ABCB1: variants seen among roughly 807,000 people sequenced by gnomAD.
ABCB1 encodes the protein ATP-dependent translocase ABCB1.
ABCB1 carries 69 observed loss-of-function variants against 142.0 expected under a neutral mutation model. The ratio of observed to expected loss-of-function variants is 0.49; its 90% CI spans 0.40 to 0.59. ABCB1 has a LOEUF of 0.59. ABCB1 is among the 20% of genes least tolerant of loss of function. The pLI is 0.00. For synonymous variants in ABCB1, 532 were observed against 539.2 expected (o/e 0.99, Z 0.18); for missense variants, 1,326 against 1,554.7 (o/e 0.85, Z 2.47).
chr7:87,507,520 G>A (rs562796596), intron 26 of ABCB1, among the ~76,000 whole-genome samples: 2 of 152,294 alleles, frequency 1.3e-5, no homozygotes, highest in South Asian at 4.1e-4. Context: ...TGAGCCTGGA[G>A]AAGGGTCAAT....
intron 1 of ABCB1, among the ~76,000 whole-genome samples, chr7:87,612,377 G>GAATCCTC (rs1363242764): frequency 1.3e-5 from 2 of 152,090 alleles, no homozygotes; most frequent in African/African-American, 4.8e-5. Context: ...TTTCCTTCTA[G>GAATCCTC]AATTTTTATG....
At position 87,507,814 on chromosome 7, in the gene ABCB1, A is replaced by G. The variant is rs533955146; in HGVS notation, c.3489+1461T>C. Among the ~76,000 whole-genome samples the G allele has an allele frequency of 1.1e-4, 17 of 152,316 alleles. No homozygotes were observed. The South Asian group carries it at 3.1e-3, about 28-fold the overall frequency. On this transcript the variant is annotated intron_variant, in intron 26 of 27. Coordinates refer to ENST00000622132, the MANE Select transcript of ABCB1 (RefSeq NM_001348946.2). ...CCTAGGTTGAGAAGCACTTCAAAAT[A>G]TAGGACCTAACTTTTGCAGCAACAT...
chr7:87,553,724 TATA>T (rs1315410815), intron 9 of ABCB1, 34 bp downstream of exon 9: 3 of 1,595,290 alleles, frequency 1.9e-6, no homozygotes, highest in South Asian at 2.2e-5. Context: ...ATTGGCATTT[TATA>T]ATAATGGTTC....
At chr7:87,663,916 A>G (rs1824963642) in intron 1 of ABCB1, among the ~76,000 whole-genome samples, 1 of 152,248 alleles carries the variant, frequency 6.6e-6, no homozygotes, top group African/African-American at 2.4e-5. Context: ...GACTCTTTGT[A>G]TGATCCTACT....
chr7:87,687,198 A>G (rs1458148993), intron 1 of ABCB1, among the ~76,000 whole-genome samples: 1 of 151,952 alleles, frequency 6.6e-6, no homozygotes, highest in Non-Finnish European at 1.5e-5. Flanking sequence ...TTCCCCCACA[A>G]CTTACTGTTC....
intron 1 of ABCB1, among the ~76,000 whole-genome samples, chr7:87,620,693 A>G (rs1434681696): frequency 2.0e-5 from 3 of 152,202 alleles, no homozygotes; most frequent in Non-Finnish European, 4.4e-5. Flanking sequence ...AATCATAACA[A>G]AAAATGGGTA....
intron 1 of ABCB1, among the ~76,000 whole-genome samples, chr7:87,663,731 C>G (rs894890405): frequency 6.6e-6 from 1 of 152,106 alleles, no homozygotes; most frequent in Admixed American, 6.6e-5. Context: ...ATACTACATA[C>G]TGAGAGGCTT....
intron 1 of ABCB1, chr7:87,629,152 C>T (rs1820942398): frequency 4.7e-6 from 2 of 421,982 alleles, no homozygotes; most frequent in Admixed American, 4.4e-5. Context: ...TGTGTCAGTT[C>T]CAGTGCTGAA....
intron 19 of ABCB1, among the ~76,000 whole-genome samples, chr7:87,537,956 T>C (rs28381946): frequency 1.3e-5 from 2 of 152,184 alleles, no homozygotes; most frequent in African/African-American, 2.4e-5. Context: ...AGTGCTATAA[T>C]TTATTATAGT....
intron 1 of ABCB1, among the ~76,000 whole-genome samples, chr7:87,704,228 TC>T: frequency 6.6e-6 from 1 of 152,170 alleles, no homozygotes; most frequent in African/African-American, 2.4e-5. Flanking sequence ...GCCTCAGTTT[TC>T]CTTTTATGTT....
intron 5 of ABCB1, 26 bp from the exon 6 acceptor site, chr7:87,567,002 ATGCTCTC>A (rs780827714): frequency 5.0e-6 from 8 of 1,605,286 alleles, no homozygotes; most frequent in Non-Finnish European, 6.8e-6. Flanking sequence ...AACACTGCAC[ATGCTCTC>A]TGTTTCCTAA....
At chr7:87,599,916 A>T (rs914477730) in intron 2 of ABCB1, among the ~76,000 whole-genome samples, 7 of 152,196 alleles carry the variant, frequency 4.6e-5, no homozygotes, top group Non-Finnish European at 1.0e-4. Flanking sequence ...AACAAAAAAG[A>T]CAGGGAAAAT....
intron 1 of ABCB1, among the ~76,000 whole-genome samples, chr7:87,637,562 T>G (rs1203658205): frequency 6.6e-6 from 1 of 152,136 alleles, no homozygotes; most frequent in African/African-American, 2.4e-5. Flanking sequence ...ATAACCTATT[T>G]CTTTATATGT....
In ABCB1 at chr7:87,508,241, A is replaced by G. The variant is rs766402536; in HGVS notation, c.3489+1034T>C. ...CTGAAACTTTTTGAGCACCAACATG[A>G]TGCCACAAGTGGAAAATTTCACACA... is the stretch of plus-strand genomic sequence containing the variant. On this transcript the variant is annotated intron_variant, in intron 26 of 27. Coordinates refer to ENST00000622132, the MANE Select transcript of ABCB1 (RefSeq NM_001348946.2). 4.1e-4 allele frequency among the ~76,000 whole-genome samples: 63 copies of G among 152,238 alleles called. 1 individual carries two copies. The highest frequency in any genetic ancestry group is 8.1e-4 in the Non-Finnish European group (55 of 68,040).
intron 18 of ABCB1, 128 bp from the exon 19 acceptor site, chr7:87,539,473 T>A (rs746497931): frequency 1.2e-5 from 11 of 939,818 alleles, no homozygotes; most frequent in Non-Finnish European, 1.8e-5. Flanking sequence ...GCTTGCTATG[T>A]TTCTGTGACT....
At chr7:87,627,936 C>G (rs970713739) in intron 1 of ABCB1, 7 of 152,400 alleles carry the variant, frequency 4.6e-5, no homozygotes, top group African/African-American at 1.4e-4. Flanking sequence ...GCAATTCCCC[C>G]CTCGGGCCAT....
intron 7 of ABCB1, among the ~76,000 whole-genome samples, chr7:87,562,653 C>T (rs990475868): frequency 6.6e-6 from 1 of 151,174 alleles, no homozygotes; most frequent in Non-Finnish European, 1.5e-5. Flanking sequence ...ATGAATTCTA[C>T]AAATCTAGCT....
intron 25 of ABCB1, among the ~76,000 whole-genome samples, chr7:87,514,139 T>C (rs1815131989): frequency 6.6e-6 from 1 of 152,210 alleles, no homozygotes; most frequent in Admixed American, 6.5e-5. Flanking sequence ...AAAAGAGTCC[T>C]AGACTAAAGA....
chr7:87,610,465 T>C (rs182236993), intron 1 of ABCB1, among the ~76,000 whole-genome samples: 37 of 145,742 alleles, frequency 2.5e-4, no homozygotes, highest in African/African-American at 8.8e-4. Context: ...GGTCTTGACA[T>C]TCTGGCAATC....
Sources: allele counts gnomAD v4.1 joint callset (sites outside exome capture counted in the v4.1 genomes callset), GRCh38; gene constraint gnomAD v4.1.1; transcripts MANE v1.5; gene names NCBI Gene and HGNC (gene_info 2026-07-23, HGNC 2026-07-21).